The following RNF7 variants were observed in gnomAD, a reference collection of about 807,000 sequenced individuals.
RNF7 encodes RING-box protein 2.
RNF7 carries 9 observed loss-of-function variants against 17.0 expected under a neutral mutation model. That is an observed-to-expected ratio of 0.53 (90% CI 0.32 to 0.92). RNF7 has a LOEUF of 0.92. Ranked by LOEUF, RNF7 falls within the 40% of genes least tolerant of loss-of-function variation. The pLI, the probability that RNF7 is intolerant of heterozygous loss-of-function variation, is 0.04. For synonymous variants in RNF7, 59 were observed against 50.5 expected (o/e 1.17, Z -0.72); for missense variants, 87 against 145.8 (o/e 0.60, Z 2.08).
intron 2 of RNF7, among the ~76,000 whole-genome samples, chr3:141,744,709 C>T (rs2084454805): frequency 6.6e-6 from 1 of 152,200 alleles, no homozygotes; most frequent in Non-Finnish European, 1.5e-5. Context: ...TGTTTAGAAG[C>T]ATGTTATTTA....
chr3:141,744,840 G>A (rs573237215), intron 2 of RNF7, among the ~76,000 whole-genome samples: 6 of 152,288 alleles, frequency 3.9e-5, no homozygotes, highest in African/African-American at 1.4e-4. Flanking sequence ...GCATGACTGA[G>A]AAGGTCAGAT....
chr3:141,743,412 C>A, intron 1 of RNF7, 97 bp from the exon 2 acceptor site: 1 of 833,360 alleles, frequency 1.2e-6, no homozygotes, highest in Non-Finnish European at 2.0e-6. Context: ...TCTTTATTGC[C>A]ATCCCTAACC....
intron 1 of RNF7, among the ~76,000 whole-genome samples, chr3:141,740,962 T>C (rs1276821579): frequency 6.6e-6 from 1 of 152,178 alleles, no homozygotes. Flanking sequence ...GATAACACTC[T>C]CTTCGTTTCC....
intron 1 of RNF7, among the ~76,000 whole-genome samples, chr3:141,739,816 C>G (rs924485213): frequency 6.6e-6 from 1 of 152,026 alleles, no homozygotes; most frequent in Non-Finnish European, 1.5e-5. Context: ...TCACTTGAGC[C>G]CAGGAGTTTG....
In RNF7 at chr3:141,743,499, T is replaced by G. The variant is rs753387632; in HGVS notation, c.176-10T>G. 6.8e-6 allele frequency: 11 copies of G among 1,606,810 alleles called. No individual in the cohort carries two copies. Among genetic ancestry groups the G allele is most frequent in the Non-Finnish European group, 9.4e-6 (11 of 1,176,450 alleles). On this transcript the variant is annotated splice_polypyrimidine_tract_variant and intron_variant, in intron 1 of 2. Coordinates refer to ENST00000273480, the MANE Select transcript of RNF7 (RefSeq NM_014245.5). ...CATCAGAATGAGAATCGCTATTTGT[T>G]TACTTTTAGATGCCTGTCTTAGATG...
intron 2 of RNF7, among the ~76,000 whole-genome samples, chr3:141,744,174 G>A (rs2084448363): frequency 6.6e-6 from 1 of 152,112 alleles, no homozygotes; most frequent in Non-Finnish European, 1.5e-5. Flanking sequence ...TTTGTATTTT[G>A]TGTTTGCATG....
chr3:141,745,114 TAAATTG>T, intron 2 of RNF7, 39 bp from the exon 3 acceptor site: 5 of 1,285,340 alleles, frequency 3.9e-6, no homozygotes, highest in Non-Finnish European at 5.5e-6. Context: ...GTTCAGTGTT[TAAATTG>T]AAATATGTAA....
At chr3:141,744,938 G>A (rs2084456715) in intron 2 of RNF7, among the ~76,000 whole-genome samples, 1 of 152,126 alleles carries the variant, frequency 6.6e-6, no homozygotes. Flanking sequence ...ATCACCCATA[G>A]ATTCTAGAAC....
At position 141,746,502 on chromosome 3, in the gene RNF7, A is replaced by C. The variant is rs541946376; in HGVS notation, c.*1225A>C. On this transcript the variant is annotated 3_prime_UTR_variant, in exon 3 of 3. Transcript: ENST00000273480. ...ATATTCATTTGCTCTTTCATTTGAC[A>C]ATAATAAAATTTAAGGTTTATTACC... The C allele has an allele frequency of 3.4e-4, 52 of 152,366 alleles. No individual in the cohort carries two copies. Among genetic ancestry groups the C allele is most frequent in the African/African-American group, 1.3e-3 (52 of 41,600 alleles). 9.4% of individuals were successfully genotyped at this position (152,366 alleles called of 1,614,324 possible). A position where few individuals can be genotyped will look rare whatever the true frequency, so the allele number is the denominator to read the frequency against.
chr3:141,738,668 G>A (rs940513562), intron 1 of RNF7, 152 bp downstream of exon 1: 54 of 856,194 alleles, frequency 6.3e-5, no homozygotes, highest in Non-Finnish European at 8.7e-5. Flanking sequence ...GGAGGAACGC[G>A]GAGCCACGCT....
At chr3:141,743,210 T>C (rs2084439126) in intron 1 of RNF7, among the ~76,000 whole-genome samples, 1 of 152,184 alleles carries the variant, frequency 6.6e-6, no homozygotes, top group Non-Finnish European at 1.5e-5. Flanking sequence ...ACTTTGAATA[T>C]AGTGGAGTAT....
intron 1 of RNF7, among the ~76,000 whole-genome samples, chr3:141,740,725 C>G (rs1338713256): frequency 6.6e-6 from 1 of 152,144 alleles, no homozygotes; most frequent in African/African-American, 2.4e-5. Flanking sequence ...CTAGGAAGAT[C>G]ATTAAAGCAA....
rs2084482538 is a variant in RNF7 at position 141,747,143 on chromosome 3, C to T, written c.*1866C>T. 1 of 152,252 alleles carries T rather than the reference C, an allele frequency of 6.6e-6. No homozygotes were observed. 9.4% of individuals were successfully genotyped at this position (152,252 alleles called of 1,614,324 possible). The stretch of plus-strand genomic sequence containing the variant: ...CACAGTCCCGCCACCTAACAAAGCC[C>T]TGTTTATGCCACACACCAGCATCTG... On this transcript the variant is annotated 3_prime_UTR_variant, in exon 3 of 3. Transcript: ENST00000273480.
intron 1 of RNF7, 144 bp downstream of exon 1, chr3:141,738,660 A>T: frequency 2.3e-6 from 2 of 888,590 alleles, no homozygotes; most frequent in Non-Finnish European, 3.2e-6. Context: ...CCGGCGCCGG[A>T]GGAACGCGGA....
chr3:141,747,420 A>G lies in RNF7; in HGVS notation c.*2143A>G, dbSNP rs552320913. On this transcript the variant is annotated 3_prime_UTR_variant, in exon 3 of 3. Transcript: ENST00000273480. ...TCTTTCGCTATTTAATTTTCCCTCT[A>G]TGCAAATTGTGTTATTACAGCTGAC... 3 of 152,318 alleles carry G rather than the reference A, an allele frequency of 2.0e-5. No homozygotes were observed. Among genetic ancestry groups the G allele is most frequent in the African/African-American group, 4.8e-5 (2 of 41,570 alleles). The allele number at this position is 152,318 out of a possible 1,614,324, so 9.4% of individuals were successfully genotyped here. A position where few individuals can be genotyped will look rare whatever the true frequency, so the allele number is the denominator to read the frequency against.
intron 2 of RNF7, among the ~76,000 whole-genome samples, chr3:141,744,214 C>T (rs961921267): frequency 2.0e-5 from 3 of 152,112 alleles, no homozygotes; most frequent in African/African-American, 7.2e-5. Flanking sequence ...ACATGGTGTA[C>T]ATAGAACTTC....
At chr3:141,740,303 A>C (rs2084403973) in intron 1 of RNF7, among the ~76,000 whole-genome samples, 1 of 152,128 alleles carries the variant, frequency 6.6e-6, no homozygotes, top group Non-Finnish European at 1.5e-5. Context: ...GTATTTTCAA[A>C]AGATTTGTCT....
Position 141,747,477 on chromosome 3 carries a change from C to G in RNF7, c.*2200C>G, listed in dbSNP as rs1200862816. On this transcript the variant is annotated 3_prime_UTR_variant, in exon 3 of 3. Transcript: ENST00000273480. ...CAGTAAATCTTAATTCTGTCAGTCC[C>G]ATTGCTTCCTTTTTTATAAAAATAC... 1.3e-5 allele frequency: 2 copies of G among 152,142 alleles called. No homozygotes were observed. The highest frequency in any genetic ancestry group is 2.9e-5 in the Non-Finnish European group (2 of 68,038). The allele number at this position is 152,142 out of a possible 1,614,324, so 9.4% of individuals were successfully genotyped here.
chr3:141,741,845 T>C (rs9790073), intron 1 of RNF7, among the ~76,000 whole-genome samples: 1,651 of 152,274 alleles, frequency 0.011, 28 homozygotes, highest in East Asian at 0.07. Flanking sequence ...CCCATACATA[T>C]AATGTTAGTA....
Sources: gnomAD v4.1 joint callset for allele counts (sites outside exome capture counted in the v4.1 genomes callset) on GRCh38, gnomAD v4.1.1 for gene constraint, MANE v1.5 for transcripts, NCBI Gene and HGNC (gene_info 2026-07-23, HGNC 2026-07-21) for gene names.